Variants in MAP3K2 observed in about 807,000 individuals in gnomAD.
MAP3K2 encodes the protein MAP/ERK kinase kinase 2.
Under a neutral mutation model 80.3 loss-of-function variants are expected in MAP3K2, and 24 were observed. The ratio of observed to expected loss-of-function variants is 0.30; its 90% CI spans 0.22 to 0.42. MAP3K2 has a LOEUF of 0.42. Among genes scored for constraint, MAP3K2 ranks in the 10% least tolerant of loss-of-function variants. The pLI, the probability that MAP3K2 is intolerant of heterozygous loss-of-function variation, is 1.00. For missense variants in MAP3K2, 608 were observed against 750.1 expected, an observed-to-expected ratio of 0.81 and a Z score of 2.21; for synonymous variants, 244 against 253.7, an observed-to-expected ratio of 0.96 and a Z score of 0.36.
chr2:127,331,311 C>T (rs1686251788), intron 5 of MAP3K2, among the ~76,000 whole-genome samples: 1 of 151,998 alleles, frequency 6.6e-6, no homozygotes, highest in South Asian at 2.1e-4. Flanking sequence ...AAGTATATTC[C>T]ATTTCATTGA....
At chr2:127,354,439 T>C (rs934499408) in intron 1 of MAP3K2, among the ~76,000 whole-genome samples, 1 of 151,988 alleles carries the variant, frequency 6.6e-6, no homozygotes, top group African/African-American at 2.4e-5. Flanking sequence ...CACCCTGATT[T>C]TATCTCTTTC....
intron 14 of MAP3K2, 39 bp from the exon 15 acceptor site, chr2:127,314,922 T>C: frequency 6.8e-7 from 1 of 1,460,528 alleles, no homozygotes; most frequent in Non-Finnish European, 9.3e-7. Context: ...CTACTGTATA[T>C]GGTTTGAAAT....
At chr2:127,378,978 G>GTTTTTTTTT (rs1687197106) in intron 1 of MAP3K2, among the ~76,000 whole-genome samples, 1 of 93,930 alleles carries the variant, frequency 1.1e-5, no homozygotes, top group African/African-American at 4.4e-5. Context: ...GGGGTTTTTT[G>GTTTTTTTTT]TTGTTTTTTT....
intron 12 of MAP3K2, among the ~76,000 whole-genome samples, chr2:127,320,333 A>G (rs1013189928): frequency 6.6e-6 from 1 of 152,238 alleles, no homozygotes; most frequent in African/African-American, 2.4e-5. Context: ...ATGAAAAACA[A>G]TGACAGAAGT....
chr2:127,388,063 G>C (rs1687410651), upstream of MAP3K2: 1 of 983,516 alleles, frequency 1.0e-6, no homozygotes, highest in African/African-American at 1.8e-5. Flanking sequence ...CCGCGGGCGC[G>C]CGCCCGGCCC....
chr2:127,386,254 T>G (rs561839599), intron 1 of MAP3K2, among the ~76,000 whole-genome samples: 2 of 152,356 alleles, frequency 1.3e-5, no homozygotes, highest in Admixed American at 1.3e-4. Flanking sequence ...CCTTATTTTT[T>G]CCTCTCACCA....
chr2:127,377,635 A>G (rs745309224), intron 1 of MAP3K2, among the ~76,000 whole-genome samples: 3 of 152,186 alleles, frequency 2.0e-5, no homozygotes, highest in Non-Finnish European at 4.4e-5. Flanking sequence ...AATATGATAT[A>G]CCATAGTTAT....
At chr2:127,359,796 G>C (rs1306867673) in intron 1 of MAP3K2, among the ~76,000 whole-genome samples, 1 of 152,160 alleles carries the variant, frequency 6.6e-6, no homozygotes, top group Non-Finnish European at 1.5e-5. Flanking sequence ...CATGTGAAGT[G>C]CTGGCTCCCC....
intron 1 of MAP3K2, chr2:127,378,110 C>T (rs913677181): frequency 8.3e-5 from 77 of 932,526 alleles, no homozygotes; most frequent in Non-Finnish European, 9.6e-5. Context: ...TACCAGAATG[C>T]AAAGATACTG....
intron 8 of MAP3K2, among the ~76,000 whole-genome samples, chr2:127,326,103 G>A (rs1686132198): frequency 6.6e-6 from 1 of 151,884 alleles, no homozygotes; most frequent in Admixed American, 6.6e-5. Context: ...ATAGACTATT[G>A]ACTAAATAAT....
intron 1 of MAP3K2, among the ~76,000 whole-genome samples, chr2:127,382,977 C>G (rs907461157): frequency 2.0e-5 from 3 of 152,212 alleles, no homozygotes; most frequent in Admixed American, 6.5e-5. Context: ...GCAAGCTGGA[C>G]TGGAAGCATG....
At chr2:127,308,042 CTTA>C (rs1685736727) in intron 16 of MAP3K2, among the ~76,000 whole-genome samples, 1 of 152,186 alleles carries the variant, frequency 6.6e-6, no homozygotes, top group South Asian at 2.1e-4. Context: ...CATTATTCAT[CTTA>C]TTATTTTTGT....
intron 1 of MAP3K2, among the ~76,000 whole-genome samples, chr2:127,355,853 C>T (rs1049842682): frequency 2.0e-5 from 3 of 152,112 alleles, no homozygotes; most frequent in Admixed American, 6.5e-5. Context: ...AACCCTTCAT[C>T]GACTGAGTTG....
At chr2:127,328,744 A>G (rs1414598210) in intron 7 of MAP3K2, among the ~76,000 whole-genome samples, 1 of 152,220 alleles carries the variant, frequency 6.6e-6, no homozygotes, top group Non-Finnish European at 1.5e-5. Flanking sequence ...GGGGACCAAA[A>G]GAGAACATGA....
At chr2:127,380,543 G>A (rs1322642785) in intron 1 of MAP3K2, among the ~76,000 whole-genome samples, 1 of 152,160 alleles carries the variant, frequency 6.6e-6, no homozygotes, top group Non-Finnish European at 1.5e-5. Flanking sequence ...GCTAGTGACA[G>A]TAGGGAATCT....
intron 15 of MAP3K2, among the ~76,000 whole-genome samples, chr2:127,313,378 G>A (rs781031669): frequency 6.6e-6 from 1 of 152,164 alleles, no homozygotes; most frequent in Non-Finnish European, 1.5e-5. Context: ...CCTAAGATGC[G>A]TAGATCATGA....
intron 15 of MAP3K2, among the ~76,000 whole-genome samples, chr2:127,309,943 C>T (rs956746660): frequency 1.6e-4 from 24 of 152,136 alleles, no homozygotes; most frequent in African/African-American, 5.8e-4. Context: ...AAATTCGCCA[C>T]GCACAGCCCA....
At chr2:127,330,618 T>C (rs1573987634) in intron 5 of MAP3K2, 113 bp from the exon 6 acceptor site, 1 of 549,916 alleles carries the variant, frequency 1.8e-6, no homozygotes, top group Non-Finnish European at 3.3e-6. Flanking sequence ...TTTGATTTGT[T>C]ACTATGATGA....
At position 127,304,312 on chromosome 2, in the gene MAP3K2, C is replaced by G. The variant is rs1481938102; in HGVS notation, c.*3267G>C. 6.6e-6 allele frequency: 1 copy of G among 152,058 alleles called. No individual in the cohort carries two copies. The highest frequency in any genetic ancestry group is 2.4e-5 in the African/African-American group (1 of 41,404). 9.4% of individuals were successfully genotyped at this position (152,058 alleles called of 1,614,324 possible). A position where few individuals can be genotyped will look rare whatever the true frequency, so the allele number is the denominator to read the frequency against. On this transcript the variant is annotated 3_prime_UTR_variant, in exon 17 of 17. Coordinates refer to ENST00000682094, the MANE Select transcript of MAP3K2 (RefSeq NM_001371910.2). ...AAATACATTTTAAATAATTAACAAC[C>G]CATCAAAATTTCCACTAGTCATTAT...
Sources: gnomAD v4.1 joint callset for allele counts (sites outside exome capture counted in the v4.1 genomes callset) on GRCh38, gnomAD v4.1.1 for gene constraint, MANE v1.5 for transcripts, NCBI Gene and HGNC (gene_info 2026-07-23, HGNC 2026-07-21) for gene names.